The following KATNIP variants were observed in gnomAD, a reference collection of about 807,000 sequenced individuals.
The protein encoded by KATNIP is katanin-interacting protein.
In KATNIP, 126 loss-of-function variants were observed where a neutral mutation model predicts 174.0. The observed-to-expected ratio is 0.72, with a 90% CI of 0.63 to 0.84. KATNIP has a LOEUF of 0.84. KATNIP is among the 40% of genes least tolerant of loss of function. The pLI is 0.00. For synonymous variants in KATNIP, 810 were observed against 835.7 expected (o/e 0.97, Z 0.53); for missense variants, 1,958 against 2,109.7 (o/e 0.93, Z 1.41).
chr16:27,679,164 G>A (rs2078233043), intron 7 of KATNIP: 1 of 152,186 alleles, frequency 6.6e-6, no homozygotes, highest in Non-Finnish European at 1.5e-5. Flanking sequence ...CCACAGACTG[G>A]GTGGCTTAAA....
intron 6 of KATNIP, among the ~76,000 whole-genome samples, chr16:27,672,347 G>A (rs1597128794): frequency 6.6e-6 from 1 of 152,214 alleles, no homozygotes; most frequent in East Asian, 1.9e-4. Flanking sequence ...CCATTCATCA[G>A]GGCTTGCTCA....
intron 12 of KATNIP, among the ~76,000 whole-genome samples, chr16:27,704,906 C>CTTTTTTT (rs560766968): frequency 1.6e-4 from 21 of 127,574 alleles, no homozygotes; most frequent in Middle Eastern, 4.0e-3. Flanking sequence ...TCTTTTTTTT[C>CTTTTTTT]TTTTTTTTTT....
At chr16:27,650,404 T>G (rs1597060616) in intron 6 of KATNIP, among the ~76,000 whole-genome samples, 1 of 152,316 alleles carries the variant, frequency 6.6e-6, no homozygotes, top group East Asian at 1.9e-4. Context: ...GGCATTATTT[T>G]TATAAATAGA....
intron 18 of KATNIP, chr16:27,757,390 G>A (rs983434548): frequency 4.0e-6 from 2 of 501,964 alleles, no homozygotes; most frequent in Non-Finnish European, 2.6e-6. Context: ...CGAGCACAGG[G>A]TGGTTCTCCA....
At chr16:27,749,432 G>A (rs566436777) in intron 15 of KATNIP, 152 bp from the exon 16 acceptor site, 2 of 891,344 alleles carry the variant, frequency 2.2e-6, no homozygotes, top group Non-Finnish European at 3.4e-6. Context: ...TGGCTAAGGA[G>A]ACAGCCGGGA....
chr16:27,699,373 A>C (rs2079021604), intron 9 of KATNIP, 161 bp from the exon 10 acceptor site: 2 of 863,618 alleles, frequency 2.3e-6, no homozygotes, highest in South Asian at 1.1e-4. Context: ...TCGAGCAGCA[A>C]CTATTGTCTG....
At chr16:27,563,804 G>A (rs937600895) in intron 1 of KATNIP, among the ~76,000 whole-genome samples, 3 of 146,102 alleles carry the variant, frequency 2.1e-5, no homozygotes, top group African/African-American at 5.0e-5. Context: ...ATCCCAGCAC[G>A]TTGGGAAGCT....
chr16:27,552,592 C>T (rs1012027196), intron 1 of KATNIP, among the ~76,000 whole-genome samples: 3 of 150,996 alleles, frequency 2.0e-5, no homozygotes, highest in Non-Finnish European at 2.9e-5. Flanking sequence ...GCCAGCTGGT[C>T]GCAAACTCCT....
intron 15 of KATNIP, among the ~76,000 whole-genome samples, chr16:27,748,144 C>T (rs148342704): frequency 2.6e-5 from 4 of 152,268 alleles, no homozygotes; most frequent in African/African-American, 4.8e-5. Flanking sequence ...GTGTGCACGC[C>T]GTGGCTCTCA....
chr16:27,659,540 A>G (rs1295606297), intron 6 of KATNIP, among the ~76,000 whole-genome samples: 1 of 152,066 alleles, frequency 6.6e-6, no homozygotes, highest in Non-Finnish European at 1.5e-5. Flanking sequence ...AATTTTAGAT[A>G]AATAGAAAAT....
intron 14 of KATNIP, among the ~76,000 whole-genome samples, chr16:27,735,908 G>A (rs777767337): frequency 3.9e-5 from 6 of 152,192 alleles, no homozygotes; most frequent in African/African-American, 7.2e-5. Context: ...ACAGGCCGCC[G>A]CTTTTCTGAT....
intron 6 of KATNIP, among the ~76,000 whole-genome samples, chr16:27,674,726 G>T (rs1272830794): frequency 6.6e-6 from 1 of 152,182 alleles, no homozygotes; most frequent in Admixed American, 6.5e-5. Flanking sequence ...GCTCCCAGGG[G>T]CTAGGATATG....
intron 5 of KATNIP, among the ~76,000 whole-genome samples, chr16:27,640,812 G>C (rs2076771179): frequency 6.6e-6 from 1 of 151,876 alleles, no homozygotes; most frequent in Non-Finnish European, 1.5e-5. Context: ...GAGGTGAGCA[G>C]TAGTGCTAAA....
At chr16:27,617,796 G>A (rs1433706828) in intron 2 of KATNIP, among the ~76,000 whole-genome samples, 5 of 152,104 alleles carry the variant, frequency 3.3e-5, no homozygotes, top group Admixed American at 6.6e-5. Flanking sequence ...GTGCAGTGGC[G>A]CAGTCATGGC....
intron 6 of KATNIP, among the ~76,000 whole-genome samples, chr16:27,671,370 G>C (rs1003889689): frequency 1.3e-5 from 2 of 152,130 alleles, no homozygotes; most frequent in African/African-American, 4.8e-5. Context: ...TCTGCCCAAA[G>C]AAGTACAAAA....
chr16:27,751,960 C>A, intron 17 of KATNIP, 36 bp downstream of exon 17: 2 of 1,546,702 alleles, frequency 1.3e-6, no homozygotes, highest in South Asian at 1.2e-5. Context: ...GGGGGACCCC[C>A]AGATAGGTTT....
chr16:27,594,506 G>A (rs1474722315), intron 2 of KATNIP, among the ~76,000 whole-genome samples: 1 of 151,966 alleles, frequency 6.6e-6, no homozygotes, highest in African/African-American at 2.4e-5. Flanking sequence ...TTGGTGACTT[G>A]AAAGTCACCT....
chr16:27,733,197 G>A (rs1050866533), intron 14 of KATNIP, among the ~76,000 whole-genome samples: 2 of 152,206 alleles, frequency 1.3e-5, no homozygotes, highest in Admixed American at 1.3e-4. Context: ...GTGGAACCGT[G>A]CCGCCATGAA....
At chr16:27,662,881 GAAGT>G (rs2077568343) in intron 6 of KATNIP, among the ~76,000 whole-genome samples, 1 of 152,038 alleles carries the variant, frequency 6.6e-6, no homozygotes, top group Non-Finnish European at 1.5e-5. Flanking sequence ...AAACAGTTTA[GAAGT>G]AAGTTGAGTA....
Sources: gnomAD v4.1 joint callset for allele counts (sites outside exome capture counted in the v4.1 genomes callset) on GRCh38, gnomAD v4.1.1 for gene constraint, MANE v1.5 for transcripts, NCBI Gene and HGNC (gene_info 2026-07-23, HGNC 2026-07-21) for gene names.